TSPAN14: variants seen among roughly 807,000 people sequenced by gnomAD.
TSPAN14 encodes tetraspanin-14.
A neutral mutation model predicts 36.6 loss-of-function variants in TSPAN14; 16 were observed. The ratio of observed to expected loss-of-function variants is 0.44; its 90% CI spans 0.30 to 0.66. The LOEUF is 0.66. TSPAN14 is among the 30% of genes least tolerant of loss of function. The pLI, the probability that TSPAN14 is intolerant of heterozygous loss-of-function variation, is 0.12. For synonymous variants in TSPAN14, 139 were observed against 143.8 expected (o/e 0.97, Z 0.24); for missense variants, 231 against 355.1 (o/e 0.65, Z 2.81).
chr10:80,505,979 T>G (rs1180023534), intron 3 of TSPAN14, among the ~76,000 whole-genome samples: 2 of 152,208 alleles, frequency 1.3e-5, no homozygotes, highest in Admixed American at 1.3e-4. Context: ...TTGGGATCAT[T>G]TATCCAGCCA....
chr10:80,512,424 G>C (rs1398375468), intron 6 of TSPAN14, among the ~76,000 whole-genome samples, 155 bp downstream of exon 6: 1 of 152,232 alleles, frequency 6.6e-6, no homozygotes, highest in Non-Finnish European at 1.5e-5. Flanking sequence ...CCTCAGCTCT[G>C]AAATCCGATA....
intron 1 of TSPAN14, among the ~76,000 whole-genome samples, chr10:80,464,201 G>C (rs1846121756): frequency 6.6e-6 from 1 of 152,216 alleles, no homozygotes; most frequent in Non-Finnish European, 1.5e-5. Flanking sequence ...TCAGGGGTTG[G>C]TGTGAGGATC....
chr10:80,506,901 T>C (rs1840334406), intron 3 of TSPAN14, among the ~76,000 whole-genome samples: 1 of 152,250 alleles, frequency 6.6e-6, no homozygotes, highest in South Asian at 2.1e-4. Context: ...GGTGACCAGT[T>C]TGACCACAGG....
At chr10:80,496,784 A>C (rs901146242) in intron 2 of TSPAN14, among the ~76,000 whole-genome samples, 1 of 148,952 alleles carries the variant, frequency 6.7e-6, no homozygotes, top group Non-Finnish European at 1.5e-5. Context: ...CTAATATTGT[A>C]GTTTCTATTT....
rs111278644 is a variant in TSPAN14 at position 80,481,974 on chromosome 10, C to T, written c.-17-7243C>T. On this transcript the variant is annotated intron_variant, in intron 1 of 8. Coordinates refer to ENST00000429989, the Ensembl canonical transcript of TSPAN14. ...TTTACCATGTTAGCCAGGATGGTCTCGATCTCCTGACCTCGTGATCCTCCC... is the reference window on the plus strand; with the variant it reads ...TTTACCATGTTAGCCAGGATGGTCTTGATCTCCTGACCTCGTGATCCTCCC... Among the ~76,000 whole-genome samples the T allele has an allele frequency of 1.6e-3, 247 of 152,162 alleles. 1 individual carries two copies. The highest frequency in any genetic ancestry group is 5.7e-3 in the African/African-American group (235 of 41,538).
intron 1 of TSPAN14, among the ~76,000 whole-genome samples, chr10:80,478,049 C>T (rs548832136): frequency 6.6e-6 from 1 of 151,966 alleles, no homozygotes; most frequent in South Asian, 2.1e-4. Context: ...ATGCGGACTG[C>T]CAGGGATTAC....
chr10:80,456,989 G>C (rs1845762002), intron 1 of TSPAN14, among the ~76,000 whole-genome samples: 1 of 152,104 alleles, frequency 6.6e-6, no homozygotes. Context: ...TTCAATCTGG[G>C]AGGTGGAGGT....
chr10:80,498,812 T>C (rs1315980667), intron 2 of TSPAN14, among the ~76,000 whole-genome samples: 2 of 152,228 alleles, frequency 1.3e-5, no homozygotes, highest in Non-Finnish European at 2.9e-5. Flanking sequence ...CTAGGAAAGA[T>C]AATCCCTGTT....
intron 3 of TSPAN14, among the ~76,000 whole-genome samples, chr10:80,506,370 G>A (rs1419266378): frequency 6.6e-6 from 1 of 152,230 alleles, no homozygotes; most frequent in East Asian, 1.9e-4. Flanking sequence ...CACTGAAGAT[G>A]TAATTGTCCC....
rs1330263270 is a variant in TSPAN14, at chr10:80,509,492, C to A, written c.450+21C>A. The A allele has an allele frequency of 6.2e-7, 1 of 1,608,946 alleles. No homozygotes were observed. The highest frequency in any genetic ancestry group is 1.7e-5 in the Admixed American group (1 of 59,842). The stretch of plus-strand genomic sequence containing the variant: ...AAGCTGTAAGCACCTCCCCAGCGGG[C>A]CCCCGATAGAGCATGCACCTCCCTG... On this transcript the variant is annotated intron_variant, in intron 5 of 8. Coordinates refer to ENST00000429989, the Ensembl canonical transcript of TSPAN14. The surrounding 1 kb of genome is among the most constrained non-coding windows in gnomAD (Gnocchi z 4.7).
chr10:80,509,891 C>T lies in TSPAN14; in HGVS notation c.450+420C>T, dbSNP rs1840525331. ...TTCCTATCCCCTTCCTCCCCGGGAC[C>T]TTTTCCCCTTCCTCCCTGGGACCTT... On this transcript the variant is annotated intron_variant, in intron 5 of 8. Coordinates refer to ENST00000429989, the Ensembl canonical transcript of TSPAN14. The surrounding 1 kb of genome is among the most constrained non-coding windows in gnomAD (Gnocchi z 4.7). 1.2e-5 allele frequency: 2 copies of T among 162,942 alleles called. No homozygotes were observed. The highest frequency in any genetic ancestry group is 3.3e-4 in the South Asian group (2 of 6,090). 10.1% of individuals were successfully genotyped at this position (162,942 alleles called of 1,614,324 possible). A position where few individuals can be genotyped will look rare whatever the true frequency, so the allele number is the denominator to read the frequency against.
At chr10:80,520,228 T>A (rs1489833622) in exon 9 of TSPAN14, 1 of 211,556 alleles carries the variant, frequency 4.7e-6, no homozygotes, top group Non-Finnish European at 9.6e-6. Context: ...ACCCATCTAT[T>A]CCTGTAGACC....
chr10:80,491,716 G>A (rs895338621), intron 2 of TSPAN14, among the ~76,000 whole-genome samples: 4 of 152,198 alleles, frequency 2.6e-5, no homozygotes, highest in Admixed American at 2.6e-4. Context: ...GTTGAAGGGT[G>A]CTGCAGTGTT....
chr10:80,510,898 T>TAAAAC (rs928845487), intron 5 of TSPAN14, among the ~76,000 whole-genome samples: 45 of 152,038 alleles, frequency 3.0e-4, no homozygotes, highest in African/African-American at 1.0e-3. Flanking sequence ...ATAAATAAAT[T>TAAAAC]AAAACAAAAC....
exon 9 of TSPAN14, chr10:80,518,067 A>C (rs1841041903): frequency 2.3e-6 from 3 of 1,329,772 alleles, no homozygotes; most frequent in Non-Finnish European, 3.2e-6. Flanking sequence ...AGAGGAGCCG[A>C]CACCCCCAGA....
chr10:80,493,826 C>T (rs1438932830), intron 2 of TSPAN14, among the ~76,000 whole-genome samples: 4 of 152,162 alleles, frequency 2.6e-5, no homozygotes, highest in Non-Finnish European at 5.9e-5. Flanking sequence ...CTGGGAGAGG[C>T]GTACACTGGA....
chr10:80,462,237 A>G (rs1447434968), intron 1 of TSPAN14, among the ~76,000 whole-genome samples: 3 of 152,048 alleles, frequency 2.0e-5, no homozygotes, highest in Non-Finnish European at 4.4e-5. Flanking sequence ...GGAACCAAAT[A>G]TACCCATTCC....
rs527751081 is a variant in TSPAN14 at position 80,506,446 on chromosome 10, A to G, written c.133-782A>G. On this transcript the variant is annotated intron_variant, in intron 3 of 8. Transcript: ENST00000429989. ...ATGAAGGAAGCAGTTAAACTATAAC[A>G]GAGATCAGTGACTGGAAGGGGGGCT... Among the ~76,000 whole-genome samples the G allele has an allele frequency of 5.3e-5, 8 of 152,354 alleles. No individual in the cohort carries two copies. The East Asian group carries it at 1.2e-3, about 22-fold the overall frequency.
Position 80,504,864 on chromosome 10 carries a change from C to T in TSPAN14, c.132+86C>T. The T allele has an allele frequency of 1.4e-6, 2 of 1,422,000 alleles. 1 individual carries two copies. Among genetic ancestry groups the T allele is most frequent in the South Asian group, 2.3e-5 (2 of 86,764 alleles). The allele number at this position is 1,422,000 out of a possible 1,614,324, so 88.1% of individuals were successfully genotyped here. On this transcript the variant is annotated intron_variant, in intron 3 of 8. Transcript: ENST00000429989. ...TCATTTTCCCTCCTCCAATCTGTTCCCTGACAACAAGCATTTCTTGTGCAG... is the reference window on the plus strand; with the variant it reads ...TCATTTTCCCTCCTCCAATCTGTTCTCTGACAACAAGCATTTCTTGTGCAG...
Sources: allele counts gnomAD v4.1 joint callset (sites outside exome capture counted in the v4.1 genomes callset), GRCh38; gene constraint gnomAD v4.1.1; non-coding constraint Gnocchi (gnomAD v3.1); transcripts MANE v1.5; gene names NCBI Gene and HGNC (gene_info 2026-07-23, HGNC 2026-07-21).